Variants in NPIPB2 observed in about 807,000 individuals in gnomAD.
NPIPB2 encodes nuclear pore complex interacting protein family member B2, also known as nuclear pore complex-interacting protein family member B2.
NPIPB2 carries 27 observed loss-of-function variants against 30.8 expected under a neutral mutation model. That is an observed-to-expected ratio of 0.88 (90% CI 0.65 to 1.21). NPIPB2 has a LOEUF of 1.21. Ranked by LOEUF, NPIPB2 falls within the 50% of genes most tolerant of loss-of-function variation. The pLI is 0.00. For missense variants in NPIPB2, 440 were observed against 446.2 expected, an observed-to-expected ratio of 0.99 and a Z score of 0.13; for synonymous variants, 147 against 162.0, an observed-to-expected ratio of 0.91 and a Z score of 0.70.
At chr16:11,957,390 C>G (rs1238911781) in intron 1 of NPIPB2, among the ~76,000 whole-genome samples, 1 of 152,080 alleles carries the variant, frequency 6.6e-6, no homozygotes, top group African/African-American at 2.4e-5. Flanking sequence ...GTCTCCATCT[C>G]CTGACCTCGT....
chr16:11,930,445 C>T lies in NPIPB2; in HGVS notation c.590+5G>A, dbSNP rs1239898689. On this transcript the variant is annotated splice_donor_5th_base_variant and intron_variant, in intron 5 of 7. Coordinates refer to ENST00000399147, the Ensembl canonical transcript of NPIPB2. Reference sequence around the variant, plus strand: ...AAGAGGGTGGGGTTCAGTTTCTGAACTCACATGTAGGTGTGTATTTCTTTC... The same window carrying T: ...AAGAGGGTGGGGTTCAGTTTCTGAATTCACATGTAGGTGTGTATTTCTTTC... The T allele has an allele frequency of 2.1e-5, 32 of 1,552,816 alleles. No individual in the cohort carries two copies. Among genetic ancestry groups the T allele is most frequent in the Non-Finnish European group, 2.7e-5 (31 of 1,155,646 alleles).
At chr16:11,966,663 A>G (rs913522978) in intron 1 of NPIPB2, among the ~76,000 whole-genome samples, 3 of 152,190 alleles carry the variant, frequency 2.0e-5, no homozygotes, top group Admixed American at 6.5e-5. Context: ...ACATTATCAG[A>G]AACTCCTAGC....
At chr16:11,965,452 CAAGT>C (rs771330300) in intron 1 of NPIPB2, 30 of 1,613,866 alleles carry the variant, frequency 1.9e-5, no homozygotes, top group East Asian at 1.6e-4. Flanking sequence ...TATTGTAATG[CAAGT>C]AAGTAATATT....
chr16:11,956,211 A>T (rs1368285708), intron 1 of NPIPB2: 1 of 152,218 alleles, frequency 6.6e-6, no homozygotes, highest in Non-Finnish European at 1.5e-5. Context: ...ACCAACACTC[A>T]GGCAGGGAAA....
At chr16:11,957,967 A>G (rs1421867216) in intron 1 of NPIPB2, among the ~76,000 whole-genome samples, 1 of 152,194 alleles carries the variant, frequency 6.6e-6, no homozygotes, top group African/African-American at 2.4e-5. Context: ...ATATTCCCCA[A>G]TTACAGAATC....
intron 1 of NPIPB2, among the ~76,000 whole-genome samples, chr16:11,967,370 G>A (rs1209019386): frequency 4.6e-5 from 7 of 152,088 alleles, no homozygotes; most frequent in Non-Finnish European, 8.8e-5. Flanking sequence ...CTGTAGTCCC[G>A]ACTGCTCTGT....
intron 1 of NPIPB2, among the ~76,000 whole-genome samples, chr16:11,959,722 C>CA (rs948240268): frequency 4.6e-5 from 7 of 151,998 alleles, no homozygotes; most frequent in Non-Finnish European, 1.0e-4. Context: ...TCTAGCTTTG[C>CA]AAAAAAAGTC....
chr16:11,927,366 T>C (rs1053430498), downstream of NPIPB2: 8 of 881,024 alleles, frequency 9.1e-6, no homozygotes, highest in Non-Finnish European at 1.5e-5. Context: ...AGTTTTATTC[T>C]TATTGCTCAG....
chr16:11,959,198 T>G (rs2150934347), intron 1 of NPIPB2, among the ~76,000 whole-genome samples: 1 of 152,218 alleles, frequency 6.6e-6, no homozygotes, highest in South Asian at 2.1e-4. Flanking sequence ...GTTCCTTCTA[T>G]GTCACGCAAG....
chr16:11,945,883 G>C (rs1262816255), upstream of NPIPB2, among the ~76,000 whole-genome samples: 3 of 151,404 alleles, frequency 2.0e-5, no homozygotes, highest in Admixed American at 1.3e-4. Flanking sequence ...TCTCATTTCT[G>C]TCTCTTTCTT....
chr16:11,962,020 T>C lies in NPIPB2; in HGVS notation c.-584+14548A>G, dbSNP rs890387243. ...TTCAAGACCAGCCTGGGCAACATGATGAAATCTCATCTCTACAAAAAATAC... is the reference window on the plus strand; with the variant it reads ...TTCAAGACCAGCCTGGGCAACATGACGAAATCTCATCTCTACAAAAAATAC... On this transcript the variant is annotated intron_variant, in intron 1 of 5. Transcript: ENST00000538896. 2.0e-5 allele frequency among the ~76,000 whole-genome samples: 3 copies of C among 151,324 alleles called. No homozygotes were observed. The South Asian group carries it at 6.3e-4, about 32-fold the overall frequency.
At chr16:11,957,002 C>T (rs1282000310) in intron 1 of NPIPB2, among the ~76,000 whole-genome samples, 5 of 151,982 alleles carry the variant, frequency 3.3e-5, no homozygotes, top group Admixed American at 6.6e-5. Flanking sequence ...AATTCTTCTT[C>T]TTCTTTTGAG....
At chr16:11,969,955 G>C (rs57202576) in intron 1 of NPIPB2, among the ~76,000 whole-genome samples, 151,538 of 152,032 alleles carry the variant, frequency 1, 75,528 homozygotes, top group Middle Eastern at 1. Context: ...ACCTCAAGAG[G>C]TAGGTTCAAG....
At chr16:11,934,101 G>T (rs1274281094) in intron 2 of NPIPB2, among the ~76,000 whole-genome samples, 177 bp from the exon 3 acceptor site, 1 of 151,726 alleles carries the variant, frequency 6.6e-6, no homozygotes, top group African/African-American at 2.4e-5. Context: ...CATGGCAGCG[G>T]GCGCCTGTAA....
At chr16:11,933,584 T>C (rs781253769) in exon 4 of NPIPB2, 9 of 1,588,836 alleles carry the variant, frequency 5.7e-6, no homozygotes, top group East Asian at 4.5e-5. Flanking sequence ...GTCACCTTCA[T>C]CTTACGGATT....
intron 1 of NPIPB2, among the ~76,000 whole-genome samples, chr16:11,962,145 C>A (rs913348157): frequency 2.0e-5 from 3 of 149,414 alleles, no homozygotes; most frequent in African/African-American, 7.4e-5. Flanking sequence ...CTGCAGTGAG[C>A]CCTGATGGTG....
At chr16:11,963,018 A>C (rs2055165566) in intron 1 of NPIPB2, among the ~76,000 whole-genome samples, 1 of 152,040 alleles carries the variant, frequency 6.6e-6, no homozygotes, top group Admixed American at 6.6e-5. Context: ...AGATCGCACT[A>C]CTGTACCCCA....
chr16:11,950,095 G>T (rs1431832386), intron 1 of NPIPB2, among the ~76,000 whole-genome samples: 1 of 152,106 alleles, frequency 6.6e-6, no homozygotes, highest in Non-Finnish European at 1.5e-5. Flanking sequence ...CAGTGCAGTG[G>T]CATGATCTTG....
At chr16:11,955,942 GC>G (rs2055108264) in intron 1 of NPIPB2, among the ~76,000 whole-genome samples, 1 of 151,746 alleles carries the variant, frequency 6.6e-6, no homozygotes, top group Admixed American at 6.6e-5. Flanking sequence ...GACTCAGCCA[GC>G]CCCAGGCCTC....
Sources: allele counts gnomAD v4.1 joint callset (sites outside exome capture counted in the v4.1 genomes callset), GRCh38; gene constraint gnomAD v4.1.1; transcripts MANE v1.5; gene names NCBI Gene and HGNC (gene_info 2026-07-23, HGNC 2026-07-21).